SNTG1: variants seen among roughly 807,000 people sequenced by gnomAD.
The protein encoded by SNTG1 is syntrophin gamma 1.
A neutral mutation model predicts 74.7 loss-of-function variants in SNTG1; 39 were observed. That is an observed-to-expected ratio of 0.52 (90% CI 0.40 to 0.68). The LOEUF is 0.68. Among genes scored for constraint, SNTG1 ranks in the 30% least tolerant of loss-of-function variants. The probability of loss-of-function intolerance (pLI) is 0.00; values close to 1 mark genes in which losing one functional copy is unlikely to be tolerated. For synonymous variants in SNTG1, 254 were observed against 217.1 expected, an observed-to-expected ratio of 1.17 and a Z score of -1.49; for missense variants, 685 against 609.5, an observed-to-expected ratio of 1.12 and a Z score of -1.30.
intron 9 of SNTG1, among the ~76,000 whole-genome samples, chr8:50,517,256 G>C (rs947375185): frequency 2.0e-5 from 3 of 152,120 alleles, no homozygotes; most frequent in African/African-American, 4.8e-5. Context: ...GAGAAATTTT[G>C]TCATCACTAA....
intron 1 of SNTG1, among the ~76,000 whole-genome samples, chr8:50,080,467 T>C (rs1822303342): frequency 6.6e-6 from 1 of 152,182 alleles, no homozygotes; most frequent in African/African-American, 2.4e-5. Context: ...TTAAACTTGT[T>C]ATTATTATGT....
chr8:50,421,380 G>A (rs1053700114), intron 4 of SNTG1, among the ~76,000 whole-genome samples: 3 of 152,142 alleles, frequency 2.0e-5, no homozygotes, highest in African/African-American at 7.2e-5. Flanking sequence ...AAACAATACA[G>A]CATAACTTCC....
At chr8:50,208,481 T>A (rs1472943413) in intron 2 of SNTG1, among the ~76,000 whole-genome samples, 1 of 152,212 alleles carries the variant, frequency 6.6e-6, no homozygotes, top group Non-Finnish European at 1.5e-5. Context: ...TTCTTCTGAA[T>A]ACAGCACACT....
intron 2 of SNTG1, among the ~76,000 whole-genome samples, chr8:50,238,954 A>G (rs1026032004): frequency 1.4e-4 from 21 of 152,160 alleles, no homozygotes; most frequent in African/African-American, 5.1e-4. Flanking sequence ...ACCATCTCAC[A>G]CCAGTGAGAA....
At chr8:50,039,454 CAAAAAAAAAAAAA>C (rs568678808) in intron 1 of SNTG1, among the ~76,000 whole-genome samples, 12 of 46,158 alleles carry the variant, frequency 2.6e-4, no homozygotes, top group Admixed American at 3.5e-4. Context: ...GACTCCGTCT[CAAAAAAAAAAAAA>C]AAAAAAAAAA....
intron 2 of SNTG1, among the ~76,000 whole-genome samples, chr8:50,214,454 T>G (rs1161781525): frequency 6.6e-6 from 1 of 151,494 alleles, no homozygotes; most frequent in Admixed American, 6.6e-5. Flanking sequence ...AAATCAAAAT[T>G]TTATATTCTC....
Position 50,716,472 on chromosome 8 carries a change from G to A in SNTG1, c.1284+7494G>A, listed in dbSNP as rs145518611. On this transcript the variant is annotated intron_variant, in intron 17 of 18. Coordinates refer to ENST00000642720, the MANE Select transcript of SNTG1 (RefSeq NM_018967.5). ...AAGAGCTGTTTGATGTAATTTTTAT[G>A]TTCTTCTTCAGATAAATTATTTCTT... 8.0e-3 allele frequency among the ~76,000 whole-genome samples: 1,220 copies of A among 151,696 alleles called. 11 individuals are homozygous for A. Among genetic ancestry groups the A allele is most frequent in the Middle Eastern group, 0.017 (5 of 292 alleles).
At chr8:50,672,349 G>T (rs1485887009) in intron 15 of SNTG1, among the ~76,000 whole-genome samples, 1 of 151,958 alleles carries the variant, frequency 6.6e-6, no homozygotes, top group Non-Finnish European at 1.5e-5. Flanking sequence ...ACCATCTATT[G>T]TTTCTTAACT....
intron 1 of SNTG1, among the ~76,000 whole-genome samples, chr8:50,126,692 T>C (rs557979718): frequency 4.9e-4 from 74 of 152,166 alleles, no homozygotes; most frequent in African/African-American, 1.7e-3. Flanking sequence ...TTTGTCAAGA[T>C]CATATTGTAG....
chr8:50,456,775 A>G (rs575131717), intron 8 of SNTG1, among the ~76,000 whole-genome samples: 1 of 152,244 alleles, frequency 6.6e-6, no homozygotes, highest in Admixed American at 6.5e-5. Flanking sequence ...ATTACTTAGG[A>G]GGGCCCCAGC....
chr8:50,050,269 T>C (rs1819455230), intron 1 of SNTG1, among the ~76,000 whole-genome samples: 1 of 151,860 alleles, frequency 6.6e-6, no homozygotes, highest in Non-Finnish European at 1.5e-5. Flanking sequence ...AGAGAGGCCA[T>C]CATTATTGAT....
chr8:50,203,864 T>G (rs916428096), intron 2 of SNTG1, among the ~76,000 whole-genome samples: 16 of 152,196 alleles, frequency 1.1e-4, no homozygotes, highest in African/African-American at 3.6e-4. Context: ...AAAATAACAA[T>G]GTAGGATGAC....
chr8:49,989,205 C>T (rs1329664086), intron 1 of SNTG1, among the ~76,000 whole-genome samples: 2 of 151,812 alleles, frequency 1.3e-5, no homozygotes, highest in Non-Finnish European at 2.9e-5. Context: ...AAACTTTTAG[C>T]TGGAATGACC....
chr8:49,965,452 G>T (rs961187896), intron 1 of SNTG1, among the ~76,000 whole-genome samples: 1 of 152,146 alleles, frequency 6.6e-6, no homozygotes, highest in African/African-American at 2.4e-5. Flanking sequence ...ATTTCACTTT[G>T]ATTCTCATGC....
chr8:50,006,987 G>A (rs1585864932), intron 1 of SNTG1, among the ~76,000 whole-genome samples: 1 of 152,080 alleles, frequency 6.6e-6, no homozygotes, highest in East Asian at 1.9e-4. Flanking sequence ...CCCAGGTTGA[G>A]CATTTTGTTT....
rs149624409 is a variant in SNTG1, at chr8:50,249,420, G to T, written c.-28+76785G>T. ...AAGCTGGCCTCACCTCAGCAGAGAG[G>T]TTTGGGGGCAGCCCCTGGACTCACA... On this transcript the variant is annotated intron_variant, in intron 2 of 18. Coordinates refer to ENST00000642720, the MANE Select transcript of SNTG1 (RefSeq NM_018967.5). 2.2e-3 allele frequency among the ~76,000 whole-genome samples: 334 copies of T among 152,338 alleles called. 2 individuals are homozygous for T. Among genetic ancestry groups the T allele is most frequent in the African/African-American group, 7.5e-3 (312 of 41,580 alleles).
At chr8:50,138,504 A>G (rs558660513) in intron 1 of SNTG1, among the ~76,000 whole-genome samples, 110 of 151,860 alleles carry the variant, frequency 7.2e-4, no homozygotes, top group African/African-American at 2.2e-3. Flanking sequence ...ACACCCCTGT[A>G]ATCCCAGCTA....
intron 2 of SNTG1, among the ~76,000 whole-genome samples, chr8:50,292,769 G>C (rs866507384): frequency 1.4e-4 from 21 of 152,298 alleles, no homozygotes; most frequent in African/African-American, 5.0e-4. Context: ...TTTGGCAACA[G>C]AACTGGGATG....
intron 8 of SNTG1, among the ~76,000 whole-genome samples, chr8:50,466,213 A>AT (rs2093607397): frequency 6.6e-6 from 1 of 152,026 alleles, no homozygotes; most frequent in South Asian, 2.1e-4. Flanking sequence ...TTTTGAGTTC[A>AT]TTTTTGTGAA....
Sources: gnomAD v4.1 joint callset for allele counts (sites outside exome capture counted in the v4.1 genomes callset) on GRCh38, gnomAD v4.1.1 for gene constraint, MANE v1.5 for transcripts, NCBI Gene and HGNC (gene_info 2026-07-23, HGNC 2026-07-21) for gene names.